The following E2F3 variants were observed in gnomAD, a reference collection of about 807,000 sequenced individuals.
E2F3 encodes the protein E2F transcription factor 3.
A neutral mutation model predicts 44.4 loss-of-function variants in E2F3; 11 were observed. The ratio of observed to expected loss-of-function variants is 0.25; its 90% CI spans 0.16 to 0.41. The LOEUF is 0.41. Ranked by LOEUF, E2F3 falls within the 10% of genes least tolerant of loss-of-function variation. The probability of loss-of-function intolerance (pLI) is 1.00; values close to 1 mark genes in which losing one functional copy is unlikely to be tolerated. For missense variants in E2F3, 487 were observed against 583.6 expected (o/e 0.83, Z 1.70); for synonymous variants, 249 against 253.0 (o/e 0.98, Z 0.15).
At chr6:20,481,565 T>G in intron 3 of E2F3, 140 bp downstream of exon 3, 1 of 742,988 alleles carries the variant, frequency 1.3e-6, no homozygotes, top group Non-Finnish European at 2.2e-6. Flanking sequence ...TCATTCTCTC[T>G]TCCCTCCTCA....
chr6:20,403,014 G>A (rs931868148), intron 1 of E2F3, among the ~76,000 whole-genome samples: 5 of 152,000 alleles, frequency 3.3e-5, no homozygotes, highest in African/African-American at 1.2e-4. Flanking sequence ...GGGGGAGGGA[G>A]TAGTGAACTG....
At chr6:20,430,788 G>A (rs1760374911) in intron 1 of E2F3, among the ~76,000 whole-genome samples, 1 of 152,188 alleles carries the variant, frequency 6.6e-6, no homozygotes, top group South Asian at 2.1e-4. Flanking sequence ...GTTATTTTTG[G>A]CTAAAGCAGG....
At chr6:20,442,530 G>A (rs922435898) in intron 1 of E2F3, among the ~76,000 whole-genome samples, 4 of 152,168 alleles carry the variant, frequency 2.6e-5, no homozygotes, top group African/African-American at 9.7e-5. Flanking sequence ...AAGAAACAAA[G>A]CAAAATTTAG....
chr6:20,443,928 G>A (rs1383878443), intron 1 of E2F3, among the ~76,000 whole-genome samples: 1 of 152,126 alleles, frequency 6.6e-6, no homozygotes, highest in Non-Finnish European at 1.5e-5. Flanking sequence ...TAAAATGACA[G>A]AGGCTGGGCT....
chr6:20,414,697 AATAAC>A (rs1759786163), intron 1 of E2F3, among the ~76,000 whole-genome samples: 1 of 152,170 alleles, frequency 6.6e-6, no homozygotes, highest in South Asian at 2.1e-4. Context: ...CGATCACACT[AATAAC>A]ATAAAGTTTC....
chr6:20,482,342 GTT>G (rs71734781), intron 3 of E2F3, among the ~76,000 whole-genome samples: 4 of 130,140 alleles, frequency 3.1e-5, no homozygotes, highest in Non-Finnish European at 6.6e-5. Flanking sequence ...TTGTTTTTTT[GTT>G]TTTTTTTTTT....
Position 20,402,706 on chromosome 6 carries a change from C to A in E2F3, c.393+81C>A. ...CGCGGGGTCGTGGGCGCGCTGCGGG[C>A]CGCTCGGGGAGAGCACTGGGCCGAG... is the stretch of plus-strand genomic sequence containing the variant. On this transcript the variant is annotated intron_variant, in intron 1 of 6. Transcript: ENST00000346618. This position sits in a 1 kb window ranked among gnomAD's most constrained non-coding sequence, Gnocchi z 5.6. The A allele has an allele frequency of 7.9e-7, 1 of 1,272,490 alleles. No individual in the cohort carries two copies. The highest frequency in any genetic ancestry group is 9.9e-7 in the Non-Finnish European group (1 of 1,012,748). The allele number at this position is 1,272,490 out of a possible 1,614,324, so 78.8% of individuals were successfully genotyped here. A position where few individuals can be genotyped will look rare whatever the true frequency, so the allele number is the denominator to read the frequency against.
At chr6:20,454,795 G>A (rs373409628) in intron 1 of E2F3, among the ~76,000 whole-genome samples, 6 of 152,314 alleles carry the variant, frequency 3.9e-5, no homozygotes, top group African/African-American at 1.4e-4. Context: ...AATGGTGCTT[G>A]TATTTGGCAG....
chr6:20,474,827 C>G (rs1256590136), intron 1 of E2F3, among the ~76,000 whole-genome samples: 3 of 152,212 alleles, frequency 2.0e-5, no homozygotes, highest in Non-Finnish European at 4.4e-5. Flanking sequence ...GATCTGAGAC[C>G]AAACAGGTAA....
In E2F3 at chr6:20,402,324, C is replaced by T; in HGVS notation, c.92C>T (p.Ala31Val). The T allele has an allele frequency of 1.2e-6, 2 of 1,610,574 alleles. No homozygotes were observed. Among genetic ancestry groups the T allele is most frequent in the Non-Finnish European group, 1.7e-6 (2 of 1,179,130 alleles). The stretch of plus-strand genomic sequence containing the variant: ...GCTGTCGTCGCCGCCGCCGCTGCAG[C>T]CTCCATGGACAAAAGGGCACTGCTA... The part of the protein sequence containing the change: ...GAAVVAAAAA[A>V]SMDKRALLAS... Residue 31 changes from alanine (A) to valine (V), a missense_variant, in exon 1 of 7, where the codon GCC becomes GTC. Coordinates refer to ENST00000346618, the MANE Select transcript of E2F3 (RefSeq NM_001949.5). This position sits in a 1 kb window ranked among gnomAD's most constrained non-coding sequence, Gnocchi z 5.6.
At position 20,402,804 on chromosome 6, in the gene E2F3, G is replaced by C. The variant is rs192088136; in HGVS notation, c.393+179G>C. Among the ~76,000 whole-genome samples the C allele has an allele frequency of 2.0e-3, 300 of 152,182 alleles. 3 individuals are homozygous for C. The highest frequency in any genetic ancestry group is 7.0e-3 in the African/African-American group (290 of 41,534). On this transcript the variant is annotated intron_variant, in intron 1 of 6. Coordinates refer to ENST00000346618, the MANE Select transcript of E2F3 (RefSeq NM_001949.5). This position sits in a 1 kb window ranked among gnomAD's most constrained non-coding sequence, Gnocchi z 5.6. ...ACCTGAGTGCTCTTCCCGGCGCCAG[G>C]AGGGTCGGGGGGCTCGGCCAGGCGC...
intron 1 of E2F3, among the ~76,000 whole-genome samples, chr6:20,437,544 TATA>T (rs1410681010): frequency 2.0e-5 from 3 of 152,206 alleles, no homozygotes; most frequent in African/African-American, 7.2e-5. Context: ...TAGTGAATAT[TATA>T]ATAATTCTAA....
At chr6:20,446,246 G>T (rs1222371293) in intron 1 of E2F3, among the ~76,000 whole-genome samples, 2 of 152,120 alleles carry the variant, frequency 1.3e-5, no homozygotes, top group Non-Finnish European at 2.9e-5. Context: ...TCTCTGCTTG[G>T]CCACTTTCTA....
chr6:20,435,016 G>A (rs1760528720), intron 1 of E2F3, among the ~76,000 whole-genome samples: 1 of 152,230 alleles, frequency 6.6e-6, no homozygotes, highest in East Asian at 1.9e-4. Flanking sequence ...GCTCTGCATA[G>A]CACCCATCTG....
chr6:20,481,402 G>A lies in E2F3; in HGVS notation c.702G>A (p.Lys234=), dbSNP rs1210283916. 15 of 1,613,954 alleles carry A rather than the reference G, an allele frequency of 9.3e-6. No individual in the cohort carries two copies. The highest frequency in any genetic ancestry group is 1.3e-5 in the Non-Finnish European group (15 of 1,180,030). The change falls in exon 3 of 7, where the codon AAG becomes AAA. Residue 234 remains lysine, a synonymous_variant. Transcript: ENST00000346618. ...AAGGCATCCACCTCATTAAGAAGAAGTCTAAAAACAACGTCCAATGGATGT... is the reference window on the plus strand; with the variant it reads ...AAGGCATCCACCTCATTAAGAAGAAATCTAAAAACAACGTCCAATGGATGT... The part of the protein sequence containing the change: ...VLEGIHLIKK[K]SKNNVQWMGC...
intron 1 of E2F3, among the ~76,000 whole-genome samples, chr6:20,450,791 G>A (rs1216308319): frequency 6.6e-6 from 1 of 152,116 alleles, no homozygotes; most frequent in Non-Finnish European, 1.5e-5. Flanking sequence ...TCCATCTTCA[G>A]TTGATTTTTA....
At chr6:20,481,510 C>G (rs1489836533) in intron 3 of E2F3, 85 bp downstream of exon 3, 4 of 1,162,992 alleles carry the variant, frequency 3.4e-6, no homozygotes, top group Non-Finnish European at 5.1e-6. Flanking sequence ...TTCACATCCA[C>G]GCCCACACGT....
At chr6:20,413,705 T>C (rs1759748973) in intron 1 of E2F3, among the ~76,000 whole-genome samples, 1 of 152,206 alleles carries the variant, frequency 6.6e-6, no homozygotes, top group South Asian at 2.1e-4. Context: ...CTTTTCATTC[T>C]GTCTGGTCTG....
chr6:20,418,479 CTG>C (rs1242202596), intron 1 of E2F3, among the ~76,000 whole-genome samples: 4 of 152,166 alleles, frequency 2.6e-5, no homozygotes, highest in African/African-American at 7.2e-5. Flanking sequence ...TAGCCCTAAA[CTG>C]TGCAGGATTA....
Sources: gnomAD v4.1 joint callset for allele counts (sites outside exome capture counted in the v4.1 genomes callset) on GRCh38, gnomAD v4.1.1 for gene constraint, Gnocchi (gnomAD v3.1) non-coding constraint, MANE v1.5 for transcripts, NCBI Gene and HGNC (gene_info 2026-07-23, HGNC 2026-07-21) for gene names.